Variants in ZFHX3 observed in about 807,000 individuals in gnomAD.
ZFHX3 encodes the protein zinc finger homeobox 3.
In ZFHX3, 42 loss-of-function variants were observed where a neutral mutation model predicts 279.1. That is an observed-to-expected ratio of 0.15 (90% CI 0.12 to 0.19). The LOEUF is 0.19. ZFHX3 is among the 10% of genes least tolerant of loss of function. The pLI, the probability that ZFHX3 is intolerant of heterozygous loss-of-function variation, is 1.00. For synonymous variants in ZFHX3, 2,293 were observed against 1,957.8 expected (o/e 1.17, Z -4.52); for missense variants, 4,981 against 4,754.0 (o/e 1.05, Z -1.40).
chr16:73,655,588 T>C (rs574088746), intron 2 of ZFHX3, among the ~76,000 whole-genome samples: 46 of 152,244 alleles, frequency 3.0e-4, no homozygotes, highest in African/African-American at 9.2e-4. Context: ...ATTGAATACA[T>C]GAAAATACAA....
chr16:73,483,351 A>C (rs78813679), intron 2 of ZFHX3: 6 of 434,636 alleles, frequency 1.4e-5, no homozygotes, highest in South Asian at 9.9e-5. Context: ...GAGAGAGAGA[A>C]AGAGAGAGAG....
chr16:72,951,911 G>A (rs1320090577), intron 2 of ZFHX3, among the ~76,000 whole-genome samples: 1 of 152,224 alleles, frequency 6.6e-6, no homozygotes, highest in African/African-American at 2.4e-5. Flanking sequence ...AAGCTACATG[G>A]TGGTGAGTGG....
At chr16:73,332,634 A>G (rs1162327965) in intron 3 of ZFHX3, among the ~76,000 whole-genome samples, 1 of 152,242 alleles carries the variant, frequency 6.6e-6, no homozygotes, top group African/African-American at 2.4e-5. Context: ...TAAGAATATT[A>G]ACTGTATCGG....
upstream of ZFHX3, among the ~76,000 whole-genome samples, chr16:73,050,271 C>T (rs1052567018): frequency 2.6e-5 from 4 of 152,188 alleles, no homozygotes; most frequent in East Asian, 1.9e-4. Flanking sequence ...AAGGCCCGGA[C>T]GGGATCTGCC....
At chr16:73,242,486 G>A (rs1278403349) in intron 5 of ZFHX3, among the ~76,000 whole-genome samples, 1 of 152,158 alleles carries the variant, frequency 6.6e-6, no homozygotes, top group African/African-American at 2.4e-5. Flanking sequence ...AGTTTTTCGT[G>A]TCTCTTGACT....
At chr16:73,458,457 C>T (rs1437940174) in intron 2 of ZFHX3, among the ~76,000 whole-genome samples, 1 of 151,786 alleles carries the variant, frequency 6.6e-6, no homozygotes, top group Non-Finnish European at 1.5e-5. Flanking sequence ...CTCACTGCAA[C>T]CTCCGCCTCC....
At chr16:73,000,018 G>C (rs1258701474) in intron 1 of ZFHX3, among the ~76,000 whole-genome samples, 1 of 152,260 alleles carries the variant, frequency 6.6e-6, no homozygotes, top group Admixed American at 6.5e-5. Context: ...TTGAAGGAAA[G>C]ACTGGAATGG....
chr16:72,874,198 ATTTT>A (rs565664402), intron 4 of ZFHX3, among the ~76,000 whole-genome samples: 5 of 95,160 alleles, frequency 5.3e-5, no homozygotes, highest in Non-Finnish European at 9.6e-5. Context: ...GGATTTTTTG[ATTTT>A]TTTTTTTTTT....
intron 1 of ZFHX3, among the ~76,000 whole-genome samples, chr16:73,772,429 G>A (rs546853349): frequency 1.3e-5 from 2 of 152,286 alleles, no homozygotes; most frequent in African/African-American, 4.8e-5. Flanking sequence ...CGAACAGCAT[G>A]GGAAAGGCCT....
chr16:73,552,194 C>T lies in ZFHX3; in HGVS notation c.-1546-95936G>A, dbSNP rs183602658. On this transcript the variant is annotated intron_variant, in intron 2 of 17. Coordinates refer to the ZFHX3 transcript ENST00000641206. ...GGGCAATCTTGAGTTTTTAGTGGGACGAGATACCAGAGGGAAATTACATCA... is the reference window on the plus strand; with the variant it reads ...GGGCAATCTTGAGTTTTTAGTGGGATGAGATACCAGAGGGAAATTACATCA... 6.6e-5 allele frequency among the ~76,000 whole-genome samples: 10 copies of T among 152,198 alleles called. No individual in the cohort carries two copies. The South Asian group carries it at 1.2e-3, about 19-fold the overall frequency.
At chr16:73,119,570 C>T (rs1054930335) in intron 7 of ZFHX3, among the ~76,000 whole-genome samples, 14 of 152,340 alleles carry the variant, frequency 9.2e-5, no homozygotes, top group Admixed American at 6.5e-4. Context: ...ACCAACCAGC[C>T]GTGTGGCCTG....
At position 72,797,015 on chromosome 16, in the gene ZFHX3, G is replaced by T. The variant is rs2143443451; in HGVS notation, c.5667C>A (p.Ser1889Arg). 1 of 1,613,992 alleles carries T rather than the reference G, an allele frequency of 6.2e-7. No homozygotes were observed. Among genetic ancestry groups the T allele is most frequent in the Non-Finnish European group, 8.5e-7 (1 of 1,180,006 alleles). ...KLVIKEKEKESQRERDSAEGG... is the reference protein window; with the variant it reads ...KLVIKEKEKERQRERDSAEGG... The stretch of plus-strand genomic sequence containing the variant: ...CCTCGGCGCTGTCCCTCTCTCTCTG[G>T]CTTTCTTTTTCCTTTTCTTTGATGA... The change falls in exon 9 of 10, where the codon AGC becomes AGA. Residue 1889 changes from serine to arginine, a missense_variant. Physicochemically the swap from Ser to Arg is moderately radical, Grantham distance 110. Transcript: ENST00000268489.
intron 2 of ZFHX3, among the ~76,000 whole-genome samples, chr16:73,664,420 G>A (rs115379441): frequency 8.4e-4 from 128 of 152,306 alleles, no homozygotes; most frequent in African/African-American, 2.9e-3. Context: ...GCTATATGCA[G>A]TACATATATT....
intron 3 of ZFHX3, among the ~76,000 whole-genome samples, chr16:73,383,122 C>T (rs2016843563): frequency 6.6e-6 from 1 of 152,244 alleles, no homozygotes; most frequent in African/African-American, 2.4e-5. Flanking sequence ...ATAATCTCTT[C>T]TCTTAAGGCT....
At chr16:73,319,059 T>C (rs966760723) in intron 3 of ZFHX3, among the ~76,000 whole-genome samples, 2 of 131,176 alleles carry the variant, frequency 1.5e-5, no homozygotes, top group Non-Finnish European at 3.1e-5. Context: ...AGCTCAGCAG[T>C]AAATACCATG....
intron 7 of ZFHX3, among the ~76,000 whole-genome samples, chr16:72,806,188 G>A (rs947642097): frequency 2.0e-5 from 3 of 152,228 alleles, no homozygotes; most frequent in South Asian, 4.1e-4. Flanking sequence ...CTTCTGTATG[G>A]TAGTTCATTC....
At chr16:72,948,359 T>C (rs1024625851) in intron 3 of ZFHX3, among the ~76,000 whole-genome samples, 1 of 152,106 alleles carries the variant, frequency 6.6e-6, no homozygotes, top group East Asian at 1.9e-4. Context: ...ACCCACGCCA[T>C]CTTTTTGAGC....
chr16:73,349,940 C>A (rs1264255821), intron 3 of ZFHX3, among the ~76,000 whole-genome samples: 1 of 149,406 alleles, frequency 6.7e-6, no homozygotes, highest in Non-Finnish European at 1.5e-5. Flanking sequence ...CTCCTTTTCC[C>A]CCCTTTCCAT....
Position 73,620,878 on chromosome 16 carries a change from A to T in ZFHX3, c.-1547+59302T>A, listed in dbSNP as rs183839770. On this transcript the variant is annotated intron_variant, in intron 2 of 17. Coordinates refer to the ZFHX3 transcript ENST00000641206. The stretch of plus-strand genomic sequence containing the variant: ...GTTGAGCAGAAGAGAAAAGGACCAG[A>T]TCTTTGGGTGAGAGAAAAGGACCAG... 3.9e-5 allele frequency among the ~76,000 whole-genome samples: 6 copies of T among 152,280 alleles called. No homozygotes were observed. In the East Asian group the frequency reaches 1.2e-3, roughly 29 times the overall value.
Sources: allele counts gnomAD v4.1 joint callset (sites outside exome capture counted in the v4.1 genomes callset), GRCh38; gene constraint gnomAD v4.1.1; transcripts MANE v1.5; gene names NCBI Gene and HGNC (gene_info 2026-07-23, HGNC 2026-07-21).